The following CDC27 variants were observed in gnomAD, a reference collection of about 807,000 sequenced individuals.
CDC27 encodes cell division cycle 27.
A neutral mutation model predicts 109.7 loss-of-function variants in CDC27; 27 were observed. The ratio of observed to expected loss-of-function variants is 0.25; its 90% confidence interval spans 0.18 to 0.34. CDC27 has a LOEUF of 0.34. Ranked by LOEUF, CDC27 falls within the 10% of genes least tolerant of loss-of-function variation. The pLI is 1.00. For synonymous variants in CDC27, 266 were observed against 333.9 expected (o/e 0.80, Z 2.22); for missense variants, 579 against 960.2 (o/e 0.60, Z 5.25).
chr17:47,121,878 T>G (rs1403345274), intron 18 of CDC27, among the ~76,000 whole-genome samples: 5 of 152,052 alleles, frequency 3.3e-5, no homozygotes, highest in African/African-American at 1.2e-4. Context: ...TAGCTAGGAT[T>G]ACAGGCGCCC....
intron 16 of CDC27, among the ~76,000 whole-genome samples, chr17:47,127,425 G>A (rs1451393069): frequency 2.0e-5 from 3 of 150,870 alleles, no homozygotes; most frequent in Admixed American, 2.0e-4. Flanking sequence ...TTTTTGAGAT[G>A]GAGTTTCACT....
At chr17:47,160,001 CTT>C (rs766302829) in intron 4 of CDC27, 702 of 191,332 alleles carry the variant, frequency 3.7e-3, no homozygotes, top group South Asian at 8.4e-3. Context: ...ACCTCTGCTT[CTT>C]TTTTTTTTTT....
Position 47,157,329 on chromosome 17 carries a change from G to C in CDC27, c.531C>G (p.Ser177Arg). The change falls in exon 6 of 19, where the codon AGC becomes AGG. Residue 177 changes from serine (S) to arginine (R), a missense_variant. This residue lies in a region of CDC27 where 57 missense variants were observed against 59.0 expected (regional missense o/e 0.97). Coordinates refer to ENST00000066544, the MANE Select transcript of CDC27 (RefSeq NM_001256.6). ...TTGTGCAAGAGTTGGGCAGACAGTTGCTAAAGTTCTGTAAAGATGTGAATT... is the reference window on the plus strand; with the variant it reads ...TTGTGCAAGAGTTGGGCAGACAGTTCCTAAAGTTCTGTAAAGATGTGAATT... ...TFKFTSLQNF[S>R]NCLPNSCTTQ... The C allele has an allele frequency of 3.7e-6, 6 of 1,612,794 alleles. No homozygotes were observed. Among genetic ancestry groups the C allele is most frequent in the Non-Finnish European group, 5.1e-6 (6 of 1,179,214 alleles).
At chr17:47,142,607 C>A (rs1391131983) in intron 10 of CDC27, among the ~76,000 whole-genome samples, 171 bp from the exon 11 acceptor site, 5 of 152,134 alleles carry the variant, frequency 3.3e-5, no homozygotes, top group Admixed American at 3.3e-4. Context: ...TAATTTTAAA[C>A]ACAGTAATTC....
intron 1 of CDC27, among the ~76,000 whole-genome samples, chr17:47,185,453 G>T (rs976984129): frequency 6.6e-6 from 1 of 152,162 alleles, no homozygotes; most frequent in South Asian, 2.1e-4. Context: ...AAAGTGCTGG[G>T]ATTACAGGCG....
At chr17:47,147,431 A>ACAAACAAACAAACAAAC (rs71138590) in intron 9 of CDC27, among the ~76,000 whole-genome samples, 4 of 144,156 alleles carry the variant, frequency 2.8e-5, no homozygotes, top group East Asian at 3.9e-4. Context: ...AAACAAACAA[A>ACAAACAAACAAACAAAC]AAAAAAAACA....
chr17:47,178,930 G>A (rs1287992816), intron 2 of CDC27, among the ~76,000 whole-genome samples: 1 of 152,114 alleles, frequency 6.6e-6, no homozygotes, highest in Non-Finnish European at 1.5e-5. Flanking sequence ...AGCCTCCTGG[G>A]TGGCTGGGAT....
chr17:47,175,598 T>C (rs2063975968), intron 2 of CDC27, among the ~76,000 whole-genome samples: 1 of 152,190 alleles, frequency 6.6e-6, no homozygotes, highest in South Asian at 2.1e-4. Flanking sequence ...GGCAGATCAC[T>C]TGAGTCCACG....
chr17:47,176,260 T>G (rs1048862925), intron 2 of CDC27, among the ~76,000 whole-genome samples: 2 of 152,184 alleles, frequency 1.3e-5, no homozygotes, highest in African/African-American at 4.8e-5. Flanking sequence ...TTCAATTGTA[T>G]GGAGGCTATA....
chr17:47,129,508 A>G lies in CDC27; in HGVS notation c.2045T>C (p.Leu682Pro). 1 of 1,604,616 alleles carries G rather than the reference A, an allele frequency of 6.2e-7. No individual in the cohort carries two copies. Residue 682 changes from leucine to proline, a missense_variant, in exon 16 of 19, where the codon CTG (leucine) becomes CCG (proline). Physicochemically the swap from Leu to Pro is moderately conservative, Grantham distance 98 (BLOSUM62 -3). This residue lies in a region of CDC27 where 227 missense variants were observed against 363.6 expected (regional missense o/e 0.62). Transcript: ENST00000066544. Reference sequence around the variant, plus strand: ...ATCCAAAGCCTTCTCTGATTTTTTCAGTGCATGTTGAACCTGTAAGAAATA... The same window carrying G: ...ATCCAAAGCCTTCTCTGATTTTTTCGGTGCATGTTGAACCTGTAAGAAATA... ...LCHIGVVQHA[L>P]KKSEKALDTL...
intron 10 of CDC27, among the ~76,000 whole-genome samples, chr17:47,143,042 G>T (rs1298810944): frequency 1.3e-5 from 2 of 151,808 alleles, no homozygotes; most frequent in African/African-American, 4.8e-5. Flanking sequence ...TGTAATCAGA[G>T]CTCACCACAG....
chr17:47,158,333 G>A (rs1441964410), intron 4 of CDC27, 30 bp from the exon 5 acceptor site: 3 of 1,187,468 alleles, frequency 2.5e-6, no homozygotes, highest in Non-Finnish European at 2.3e-6. Context: ...GATTAAATAA[G>A]CTACAAACCC....
At chr17:47,149,969 AC>A (rs1688430357) in intron 9 of CDC27, among the ~76,000 whole-genome samples, 1 of 152,126 alleles carries the variant, frequency 6.6e-6, no homozygotes, top group Non-Finnish European at 1.5e-5. Context: ...AAAAACAAAA[AC>A]AAAAACAAAA....
At chr17:47,138,363 T>G (rs2062686695) in intron 13 of CDC27, among the ~76,000 whole-genome samples, 1 of 152,234 alleles carries the variant, frequency 6.6e-6, no homozygotes, top group African/African-American at 2.4e-5. Flanking sequence ...TCTTACAAGA[T>G]TAGAGCATGT....
At chr17:47,161,546 T>C (rs1048290487) in intron 4 of CDC27, among the ~76,000 whole-genome samples, 4 of 151,842 alleles carry the variant, frequency 2.6e-5, no homozygotes, top group African/African-American at 9.7e-5. Flanking sequence ...AGGTCAGGAG[T>C]TCGAGACCAG....
At position 47,171,975 on chromosome 17, in the gene CDC27, T is replaced by C; in HGVS notation, c.193A>G (p.Ser65Gly). ...YKAYRLLKGH[S>G]CTTPQCKYLL... ...TATTTGCATTGCGGTGTAGTACAACTGTGTCCTTTCAAGAGTCTATATGCT... is the reference window on the plus strand; with the variant it reads ...TATTTGCATTGCGGTGTAGTACAACCGTGTCCTTTCAAGAGTCTATATGCT... Residue 65 changes from serine (S) to glycine (G), a missense_variant, in exon 3 of 19, where the codon AGT becomes GGT. This residue lies in a region of CDC27 where 44 missense variants were observed against 102.2 expected (regional missense o/e 0.43). Transcript: ENST00000066544. The C allele has an allele frequency of 6.2e-7, 1 of 1,604,264 alleles. No individual in the cohort carries two copies.
At chr17:47,129,255 T>A (rs1296337618) in intron 16 of CDC27, 138 bp downstream of exon 16, 1 of 673,848 alleles carries the variant, frequency 1.5e-6, no homozygotes, top group Non-Finnish European at 2.5e-6. Flanking sequence ...GACATAAAAA[T>A]CACAAAAAAT....
chr17:47,136,027 A>C (rs1052988002), intron 14 of CDC27, among the ~76,000 whole-genome samples: 2 of 152,168 alleles, frequency 1.3e-5, no homozygotes, highest in African/African-American at 4.8e-5. Flanking sequence ...CTGTAGTCCC[A>C]GCTACTCGGG....
At chr17:47,136,148 CA>C (rs1385144719) in intron 14 of CDC27, among the ~76,000 whole-genome samples, 2 of 151,376 alleles carry the variant, frequency 1.3e-5, no homozygotes, top group Admixed American at 6.6e-5. Flanking sequence ...CCTCAAAAAA[CA>C]AACAAACAAA....
Sources: allele counts gnomAD v4.1 joint callset (sites outside exome capture counted in the v4.1 genomes callset), GRCh38; gene constraint gnomAD v4.1.1; regional missense constraint gnomAD v4.1.1; transcripts MANE v1.5; gene names NCBI Gene and HGNC (gene_info 2026-07-23, HGNC 2026-07-21).